HINT3: variants seen among roughly 807,000 people sequenced by gnomAD.
The protein encoded by HINT3 is histidine triad nucleotide binding protein 3, also known as adenosine 5'-monophosphoramidase HINT3.
In HINT3, 16 loss-of-function variants were observed where a neutral mutation model predicts 19.1. That is an observed-to-expected ratio of 0.84 (90% CI 0.57 to 1.27). The LOEUF is 1.27. Among genes scored for constraint, HINT3 ranks in the 50% most tolerant of loss-of-function variants. The pLI, the probability that HINT3 is intolerant of heterozygous loss-of-function variation, is 0.00. For synonymous variants in HINT3, 75 were observed against 84.8 expected (o/e 0.88, Z 0.63); for missense variants, 197 against 225.8 (o/e 0.87, Z 0.82).
Position 125,957,118 on chromosome 6 carries a change from C to T in HINT3, c.141C>T (p.Thr47=). The T allele has an allele frequency of 1.3e-6, 2 of 1,550,702 alleles. No individual in the cohort carries two copies. The highest frequency in any genetic ancestry group is 1.4e-5 in the African/African-American group (1 of 73,178). ...CAGAGCCCAAGGACTACGACAGCACCTGCGTGTTCTGCCGGATCGCGGGGC... is the reference window on the plus strand; with the variant it reads ...CAGAGCCCAAGGACTACGACAGCACTTGCGTGTTCTGCCGGATCGCGGGGC... The part of the protein sequence containing the change: ...KSPEPKDYDS[T]CVFCRIAGRQ... The change falls in exon 1 of 5, where the codon ACC becomes ACT. Residue 47 remains threonine, a synonymous_variant. Coordinates refer to ENST00000229633, the MANE Select transcript of HINT3 (RefSeq NM_138571.5).
rs1450172738 is a variant in HINT3, at chr6:125,979,260, A to G, written c.*1584A>G. The G allele has an allele frequency of 1.3e-5, 2 of 152,326 alleles. No individual in the cohort carries two copies. Among genetic ancestry groups the G allele is most frequent in the East Asian group, 3.9e-4 (2 of 5,190 alleles). The allele number at this position is 152,326 out of a possible 1,614,324, so 9.4% of individuals were successfully genotyped here. A position where few individuals can be genotyped will look rare whatever the true frequency, so the allele number is the denominator to read the frequency against. ...TGGAAGTAGGGGTTATGGGCTCTCA[A>G]AAGTAGATTTAGAGAGATTTTTTTA... On this transcript the variant is annotated 3_prime_UTR_variant, in exon 5 of 5. Transcript: ENST00000229633.
At chr6:125,958,439 T>C (rs1583586845) in intron 1 of HINT3, among the ~76,000 whole-genome samples, 1 of 151,936 alleles carries the variant, frequency 6.6e-6, no homozygotes, top group Non-Finnish European at 1.5e-5. Flanking sequence ...AGGAAGGGGG[T>C]TGATCTTTGA....
chr6:125,966,444 C>T (rs189116620), intron 1 of HINT3, among the ~76,000 whole-genome samples: 245 of 152,220 alleles, frequency 1.6e-3, no homozygotes, highest in Middle Eastern at 6.8e-3. Flanking sequence ...TAAATGCTAG[C>T]TGGTGTTCTT....
At chr6:125,969,172 A>AAT (rs888735621) in intron 2 of HINT3, among the ~76,000 whole-genome samples, 182 of 152,266 alleles carry the variant, frequency 1.2e-3, no homozygotes, top group African/African-American at 4.3e-3. Flanking sequence ...ATCTTGTGTT[A>AAT]ATATTTGTAT....
chr6:125,962,193 T>C (rs1441694179), intron 1 of HINT3, among the ~76,000 whole-genome samples: 1 of 56,506 alleles, frequency 1.8e-5, no homozygotes, highest in Non-Finnish European at 2.9e-5. Context: ...TATACACATA[T>C]ATATATATAT....
At chr6:125,966,092 T>G (rs569660043) in intron 1 of HINT3, among the ~76,000 whole-genome samples, 28 of 152,310 alleles carry the variant, frequency 1.8e-4, no homozygotes, top group African/African-American at 5.8e-4. Flanking sequence ...AAAGTAAAAA[T>G]TAAAATCAGT....
At chr6:125,963,817 C>G (rs187588814) in intron 1 of HINT3, among the ~76,000 whole-genome samples, 1 of 152,192 alleles carries the variant, frequency 6.6e-6, no homozygotes, top group Non-Finnish European at 1.5e-5. Flanking sequence ...GGTTGAGACA[C>G]ACTGATCTAA....
intron 1 of HINT3, among the ~76,000 whole-genome samples, chr6:125,958,845 C>T (rs1376195276): frequency 2.0e-5 from 3 of 152,206 alleles, no homozygotes; most frequent in Admixed American, 6.5e-5. Flanking sequence ...TCAACACACA[C>T]ACATAAAACA....
chr6:125,958,141 A>T (rs1257741573), intron 1 of HINT3, among the ~76,000 whole-genome samples: 1 of 152,098 alleles, frequency 6.6e-6, no homozygotes, highest in Non-Finnish European at 1.5e-5. Context: ...AGGAAATGAG[A>T]CATGAAGAAA....
At chr6:125,976,482 A>T (rs1439102992) in intron 4 of HINT3, among the ~76,000 whole-genome samples, 1 of 150,692 alleles carries the variant, frequency 6.6e-6, no homozygotes, top group Non-Finnish European at 1.5e-5. Context: ...TTGAAATTTT[A>T]AAAAGTGGGA....
intron 2 of HINT3, among the ~76,000 whole-genome samples, chr6:125,969,617 G>A (rs1331229148): frequency 6.6e-6 from 1 of 152,122 alleles, no homozygotes; most frequent in Non-Finnish European, 1.5e-5. Flanking sequence ...TCCAGTCCAC[G>A]AGCATAGAAT....
intron 1 of HINT3, among the ~76,000 whole-genome samples, chr6:125,959,788 G>A (rs1788891258): frequency 1.3e-5 from 2 of 152,272 alleles, no homozygotes; most frequent in South Asian, 4.1e-4. Flanking sequence ...GGTTTAAAAT[G>A]GCCCGGCGGG....
chr6:125,958,940 G>T (rs368526799), intron 1 of HINT3, among the ~76,000 whole-genome samples: 1 of 152,136 alleles, frequency 6.6e-6, no homozygotes, highest in Admixed American at 6.5e-5. Context: ...ATGAAAGAGG[G>T]TGAAGTCAAA....
At chr6:125,962,222 A>G (rs191119358) in intron 1 of HINT3, among the ~76,000 whole-genome samples, 3 of 40,488 alleles carry the variant, frequency 7.4e-5, no homozygotes, top group African/African-American at 3.6e-4. Flanking sequence ...ACATATATAT[A>G]TATATATATA....
chr6:125,969,129 T>C (rs1789061474), intron 2 of HINT3, among the ~76,000 whole-genome samples: 1 of 152,178 alleles, frequency 6.6e-6, no homozygotes, highest in African/African-American at 2.4e-5. Context: ...AGGATTCTTA[T>C]AGTTTGAGGT....
chr6:125,964,787 AT>A (rs766628644), intron 1 of HINT3, among the ~76,000 whole-genome samples: 1 of 151,240 alleles, frequency 6.6e-6, no homozygotes, highest in Non-Finnish European at 1.5e-5. Context: ...ATCATTTCAT[AT>A]TTTTGCCAGC....
chr6:125,975,200 C>T (rs75097847), intron 4 of HINT3, among the ~76,000 whole-genome samples: 5 of 152,090 alleles, frequency 3.3e-5, no homozygotes, highest in African/African-American at 1.2e-4. Flanking sequence ...TTGCAAGTAG[C>T]AGATACGATA....
At chr6:125,962,725 T>C (rs1788961538) in intron 1 of HINT3, among the ~76,000 whole-genome samples, 1 of 152,162 alleles carries the variant, frequency 6.6e-6, no homozygotes, top group Non-Finnish European at 1.5e-5. Context: ...TGGTGTTGTC[T>C]AATTGTATAC....
In HINT3 at chr6:125,957,137, G is replaced by T; in HGVS notation, c.160G>T (p.Ala54Ser). The T allele has an allele frequency of 6.5e-7, 1 of 1,550,282 alleles. No individual in the cohort carries two copies. The highest frequency in any genetic ancestry group is 8.7e-7 in the Non-Finnish European group (1 of 1,146,598). ...YDSTCVFCRI[A>S]GRQDPGTELL... is the part of the protein sequence containing the mutation. Reference sequence around the variant, plus strand: ...CAGCACCTGCGTGTTCTGCCGGATCGCGGGGCGGCAGGACCCGGGCACCGA... The same window carrying T: ...CAGCACCTGCGTGTTCTGCCGGATCTCGGGGCGGCAGGACCCGGGCACCGA... The change falls in exon 1 of 5, where the codon GCG (alanine) becomes TCG (serine). Residue 54 changes from alanine to serine, a missense_variant. By Grantham distance (99) the Ala-to-Ser change is moderately conservative. Transcript: ENST00000229633.
Sources: gnomAD v4.1 joint callset for allele counts (sites outside exome capture counted in the v4.1 genomes callset) on GRCh38, gnomAD v4.1.1 for gene constraint, MANE v1.5 for transcripts, NCBI Gene and HGNC (gene_info 2026-07-23, HGNC 2026-07-21) for gene names.